The following DPY19L1 variants were observed in gnomAD, a reference collection of about 807,000 sequenced individuals.
DPY19L1 encodes dpy-19 like C-mannosyltransferase 1, also known as protein C-mannosyl-transferase DPY19L1.
A neutral mutation model predicts 96.9 loss-of-function variants in DPY19L1; 35 were observed. The ratio of observed to expected loss-of-function variants is 0.36; its 90% confidence interval spans 0.28 to 0.48. DPY19L1 has a LOEUF of 0.48. Among genes scored for constraint, DPY19L1 ranks in the 20% least tolerant of loss-of-function variants. The probability of loss-of-function intolerance (pLI) is 0.99; values close to 1 mark genes in which losing one functional copy is unlikely to be tolerated. For synonymous variants in DPY19L1, 205 were observed against 252.6 expected, an observed-to-expected ratio of 0.81 and a Z score of 1.79; for missense variants, 521 against 777.9, an observed-to-expected ratio of 0.67 and a Z score of 3.93.
intron 11 of DPY19L1, among the ~76,000 whole-genome samples, chr7:34,957,519 T>C (rs1402832905): frequency 6.6e-6 from 1 of 152,196 alleles, no homozygotes; most frequent in Non-Finnish European, 1.5e-5. Context: ...GGTAGTGATT[T>C]AGCAAAATAA....
At chr7:35,022,778 G>A (rs566206067) in intron 1 of DPY19L1, among the ~76,000 whole-genome samples, 4 of 142,258 alleles carry the variant, frequency 2.8e-5, no homozygotes, top group African/African-American at 7.3e-5. Flanking sequence ...ACACACACAC[G>A]CACACACACA....
At chr7:35,000,358 G>A (rs542330945) in intron 6 of DPY19L1, 3 of 152,116 alleles carry the variant, frequency 2.0e-5, no homozygotes, top group African/African-American at 7.2e-5. Context: ...CAAACTACCA[G>A]ATCATGCGAA....
chr7:34,951,781 C>T (rs185614227), intron 13 of DPY19L1, among the ~76,000 whole-genome samples: 109 of 151,496 alleles, frequency 7.2e-4, no homozygotes, highest in Admixed American at 1.2e-3. Flanking sequence ...TAGAGCAAAT[C>T]TAATGAAGGA....
chr7:34,983,645 A>G (rs1159755844), intron 7 of DPY19L1, among the ~76,000 whole-genome samples: 1 of 149,314 alleles, frequency 6.7e-6, no homozygotes, highest in Admixed American at 6.8e-5. Flanking sequence ...ATACATGGCA[A>G]GAGAAAATAC....
intron 1 of DPY19L1, among the ~76,000 whole-genome samples, chr7:35,029,277 A>C (rs757166844): frequency 2.0e-5 from 3 of 152,218 alleles, no homozygotes; most frequent in Non-Finnish European, 4.4e-5. Flanking sequence ...AGTGCATTTT[A>C]TTGTTTTAAG....
chr7:35,016,738 A>T (rs1479957618), intron 3 of DPY19L1, among the ~76,000 whole-genome samples: 1 of 152,234 alleles, frequency 6.6e-6, no homozygotes, highest in Non-Finnish European at 1.5e-5. Flanking sequence ...CCACCTAGGA[A>T]GTATTCCTGC....
intron 3 of DPY19L1, among the ~76,000 whole-genome samples, chr7:35,017,329 T>TA: frequency 6.6e-6 from 1 of 150,604 alleles, no homozygotes; most frequent in Non-Finnish European, 1.5e-5. Context: ...CCGTCTCTAC[T>TA]AAAAAAATAC....
intron 1 of DPY19L1, among the ~76,000 whole-genome samples, chr7:35,033,799 G>A (rs1427149769): frequency 6.6e-6 from 1 of 152,040 alleles, no homozygotes; most frequent in Non-Finnish European, 1.5e-5. Flanking sequence ...CTCGTAAGCT[G>A]TAGAGAATAA....
At chr7:34,990,017 T>A in intron 6 of DPY19L1, 76 bp from the exon 7 acceptor site, 1 of 1,117,220 alleles carries the variant, frequency 9.0e-7, no homozygotes, top group African/African-American at 1.6e-5. Context: ...ACACATAATA[T>A]CATAACCACT....
intron 10 of DPY19L1, among the ~76,000 whole-genome samples, chr7:34,963,906 G>A (rs532504607): frequency 5.8e-4 from 88 of 152,306 alleles, no homozygotes; most frequent in African/African-American, 1.8e-3. Context: ...AAGACAGAAA[G>A]TAGAATGGTG....
chr7:35,005,784 C>T (rs1246594089), intron 6 of DPY19L1, among the ~76,000 whole-genome samples: 2 of 151,022 alleles, frequency 1.3e-5, no homozygotes, highest in Non-Finnish European at 2.9e-5. Context: ...GCACTCCAGC[C>T]TGGGCAACAG....
At chr7:34,985,595 A>G (rs1298263459) in intron 7 of DPY19L1, among the ~76,000 whole-genome samples, 1 of 152,120 alleles carries the variant, frequency 6.6e-6, no homozygotes, top group Non-Finnish European at 1.5e-5. Context: ...TTCTCAAACC[A>G]TAGGGGAAAT....
At chr7:34,963,193 C>CAAAAAAAAAAA in intron 10 of DPY19L1, among the ~76,000 whole-genome samples, 1 of 78,804 alleles carries the variant, frequency 1.3e-5, no homozygotes, top group Non-Finnish European at 2.3e-5. Context: ...AGATCTGTCT[C>CAAAAAAAAAAA]AAAAAAAAAA....
chr7:34,935,146 C>A (rs979611893), intron 21 of DPY19L1, among the ~76,000 whole-genome samples: 2 of 152,170 alleles, frequency 1.3e-5, no homozygotes, highest in African/African-American at 2.4e-5. Context: ...TGAACTGTTA[C>A]AACACTGAGG....
At chr7:34,977,500 G>A (rs1051834048) in intron 7 of DPY19L1, among the ~76,000 whole-genome samples, 2 of 152,106 alleles carry the variant, frequency 1.3e-5, no homozygotes, top group Non-Finnish European at 2.9e-5. Flanking sequence ...GTAATGAAGG[G>A]CAAGGTCTTC....
intron 1 of DPY19L1, among the ~76,000 whole-genome samples, chr7:35,032,102 C>T (rs1375798746): frequency 6.6e-6 from 1 of 152,040 alleles, no homozygotes; most frequent in African/African-American, 2.4e-5. Flanking sequence ...TAAGTATGAC[C>T]CTCTTTTCCT....
chr7:35,012,093 G>T (rs977581213), intron 4 of DPY19L1, among the ~76,000 whole-genome samples: 1 of 152,158 alleles, frequency 6.6e-6, no homozygotes, highest in African/African-American at 2.4e-5. Flanking sequence ...CCCTCCATGG[G>T]AACTGCCCAT....
At chr7:35,031,922 T>A (rs537349382) in intron 1 of DPY19L1, among the ~76,000 whole-genome samples, 1 of 152,188 alleles carries the variant, frequency 6.6e-6, no homozygotes, top group African/African-American at 2.4e-5. Context: ...ATAACCTCTA[T>A]GAATTAACAT....
chr7:34,974,565 C>T (rs1584230575), intron 7 of DPY19L1, among the ~76,000 whole-genome samples: 1 of 152,316 alleles, frequency 6.6e-6, no homozygotes, highest in South Asian at 2.1e-4. Flanking sequence ...ATGAACTACT[C>T]ACACAAGAGA....
Sources: gnomAD v4.1 joint callset for allele counts (sites outside exome capture counted in the v4.1 genomes callset) on GRCh38, gnomAD v4.1.1 for gene constraint, MANE v1.5 for transcripts, NCBI Gene and HGNC (gene_info 2026-07-23, HGNC 2026-07-21) for gene names.